PIBF1: variants seen among roughly 807,000 people sequenced by gnomAD.
The protein encoded by PIBF1 is progesterone immunomodulatory binding factor 1.
PIBF1 carries 90 observed loss-of-function variants against 112.5 expected under a neutral mutation model. The observed-to-expected ratio is 0.80, with a 90% CI of 0.67 to 0.95. The LOEUF (loss-of-function observed/expected upper bound fraction) is 0.95, where lower values mean the gene tolerates loss of function less well. PIBF1 is among the 40% of genes least tolerant of loss of function. The pLI is 0.00. For synonymous variants in PIBF1, 301 were observed against 288.6 expected (o/e 1.04, Z -0.44); for missense variants, 915 against 852.3 (o/e 1.07, Z -0.92).
intron 16 of PIBF1, among the ~76,000 whole-genome samples, chr13:72,979,480 T>G (rs1235691877): frequency 6.6e-6 from 1 of 152,164 alleles, no homozygotes; most frequent in African/African-American, 2.4e-5. Flanking sequence ...GTAGAAGCCC[T>G]TTTCTCATGG....
intron 13 of PIBF1, among the ~76,000 whole-genome samples, chr13:72,917,454 A>G (rs948891210): frequency 3.9e-5 from 6 of 152,030 alleles, no homozygotes; most frequent in Non-Finnish European, 5.9e-5. Context: ...AATGCTTTGT[A>G]TCAAGAATAT....
At chr13:72,958,629 T>C (rs1479408041) in intron 14 of PIBF1, among the ~76,000 whole-genome samples, 1 of 152,114 alleles carries the variant, frequency 6.6e-6, no homozygotes, top group Non-Finnish European at 1.5e-5. Flanking sequence ...CTGTGGCCCC[T>C]CTCCTGAGAC....
At chr13:72,787,337 T>C (rs1662938503) in intron 2 of PIBF1, among the ~76,000 whole-genome samples, 1 of 152,248 alleles carries the variant, frequency 6.6e-6, no homozygotes, top group South Asian at 2.1e-4. Context: ...AACAAAGTGC[T>C]ACACTGTTTC....
rs183393368 is a variant in PIBF1 at position 72,867,859 on chromosome 13, T to C, written c.1322+13704T>C. On this transcript the variant is annotated intron_variant, in intron 10 of 17. Coordinates refer to ENST00000326291, the MANE Select transcript of PIBF1 (RefSeq NM_006346.4). ...TAATTAGACAGTCGCATATCTATCA[T>C]TAAAATTCAAATGTTTTAATTCACT... Among the ~76,000 whole-genome samples the C allele has an allele frequency of 6.7e-4, 102 of 152,356 alleles. No individual in the cohort carries two copies. In the Middle Eastern group the frequency reaches 0.01, roughly 15 times the overall value.
chr13:72,992,256 C>T (rs922394990), intron 16 of PIBF1, among the ~76,000 whole-genome samples: 1 of 152,152 alleles, frequency 6.6e-6, no homozygotes, highest in Non-Finnish European at 1.5e-5. Context: ...AGGGAAGGCA[C>T]TTTTACAGTT....
intron 5 of PIBF1, among the ~76,000 whole-genome samples, chr13:72,807,127 T>G (rs189234869): frequency 8.6e-5 from 13 of 151,198 alleles, no homozygotes; most frequent in Admixed American, 7.9e-4. Flanking sequence ...AGAAGTGTTA[T>G]CATGAATTCT....
chr13:72,790,206 A>G (rs1168308295), intron 2 of PIBF1, among the ~76,000 whole-genome samples: 1 of 152,172 alleles, frequency 6.6e-6, no homozygotes, highest in East Asian at 1.9e-4. Context: ...TCTGTATTCA[A>G]AATGGCACTA....
At chr13:72,827,625 A>G (rs889782778) in intron 7 of PIBF1, 108 bp from the exon 8 acceptor site, 1 of 665,090 alleles carries the variant, frequency 1.5e-6, no homozygotes, top group Non-Finnish European at 2.3e-6. Context: ...TTTAAAAGGA[A>G]AATTTTCATG....
intron 5 of PIBF1, among the ~76,000 whole-genome samples, chr13:72,803,230 G>GT (rs901772170): frequency 7.7e-4 from 112 of 144,714 alleles, no homozygotes; most frequent in African/African-American, 1.8e-3. Flanking sequence ...GGGAAGGCTT[G>GT]TTTTTTTTTT....
At chr13:72,845,008 A>C (rs1040710409) in intron 9 of PIBF1, among the ~76,000 whole-genome samples, 15 of 152,060 alleles carry the variant, frequency 9.9e-5, no homozygotes, top group Admixed American at 6.5e-4. Flanking sequence ...TCTATGATAC[A>C]AATGCAGAAC....
intron 17 of PIBF1, among the ~76,000 whole-genome samples, chr13:73,013,224 C>T (rs1166634733): frequency 1.4e-5 from 2 of 146,148 alleles, no homozygotes; most frequent in Non-Finnish European, 3.0e-5. Flanking sequence ...TGGCGTGAAC[C>T]CGGGAGGCGG....
intron 14 of PIBF1, among the ~76,000 whole-genome samples, chr13:72,938,996 G>A (rs959110861): frequency 6.6e-6 from 1 of 152,052 alleles, no homozygotes; most frequent in African/African-American, 2.4e-5. Context: ...CGAGTCATTT[G>A]CCCACTTTTG....
At chr13:72,795,706 A>C (rs1272383162) in intron 4 of PIBF1, 149 bp downstream of exon 4, 10 of 594,346 alleles carry the variant, frequency 1.7e-5, no homozygotes, top group Non-Finnish European at 2.9e-5. Flanking sequence ...CAAATTTTAA[A>C]GGATCATGAC....
intron 14 of PIBF1, among the ~76,000 whole-genome samples, chr13:72,958,938 C>G (rs2042531807): frequency 6.6e-6 from 1 of 152,100 alleles, no homozygotes; most frequent in African/African-American, 2.4e-5. Context: ...AATTTTGATT[C>G]AGTAGGACTG....
At chr13:72,990,033 G>A (rs2043422726) in intron 16 of PIBF1, among the ~76,000 whole-genome samples, 1 of 151,798 alleles carries the variant, frequency 6.6e-6, no homozygotes, top group South Asian at 2.1e-4. Flanking sequence ...GGCCAATATG[G>A]TGAAACTCCG....
intron 14 of PIBF1, among the ~76,000 whole-genome samples, chr13:72,954,862 A>G (rs1234798900): frequency 6.6e-6 from 1 of 152,134 alleles, no homozygotes; most frequent in Non-Finnish European, 1.5e-5. Flanking sequence ...TGTTTTTCCA[A>G]GTAGGAGAGG....
At chr13:72,951,622 A>G (rs935241086) in intron 14 of PIBF1, among the ~76,000 whole-genome samples, 2 of 152,218 alleles carry the variant, frequency 1.3e-5, no homozygotes, top group African/African-American at 4.8e-5. Context: ...TGGAAAAGAC[A>G]AAACTATGGA....
At chr13:72,968,618 G>A (rs2042811916) in intron 15 of PIBF1, among the ~76,000 whole-genome samples, 1 of 151,782 alleles carries the variant, frequency 6.6e-6, no homozygotes. Flanking sequence ...TTGAAATGTG[G>A]CTACTGTTAC....
At chr13:72,957,664 T>TA (rs1035728505) in intron 14 of PIBF1, among the ~76,000 whole-genome samples, 6 of 151,440 alleles carry the variant, frequency 4.0e-5, no homozygotes, top group African/African-American at 1.5e-4. Context: ...ACTCTTGAAA[T>TA]AAAAAAATAA....
Sources: allele counts gnomAD v4.1 joint callset (sites outside exome capture counted in the v4.1 genomes callset), GRCh38; gene constraint gnomAD v4.1.1; transcripts MANE v1.5; gene names NCBI Gene and HGNC (gene_info 2026-07-23, HGNC 2026-07-21).